GMDS: variants seen among roughly 807,000 people sequenced by gnomAD.
GMDS encodes the protein GDP-mannose 4,6 dehydratase.
GMDS carries 20 observed loss-of-function variants against 49.9 expected under a neutral mutation model. The observed-to-expected ratio is 0.40, with a 90% CI of 0.28 to 0.58. The LOEUF is 0.58. GMDS is among the 20% of genes least tolerant of loss of function. GMDS has a pLI of 0.42. For synonymous variants in GMDS, 177 were observed against 178.6 expected, an observed-to-expected ratio of 0.99 and a Z score of 0.07; for missense variants, 362 against 481.4, an observed-to-expected ratio of 0.75 and a Z score of 2.32.
intron 4 of GMDS, among the ~76,000 whole-genome samples, chr6:2,038,969 A>G (rs1442396884): frequency 3.9e-5 from 6 of 152,202 alleles, no homozygotes; most frequent in Non-Finnish European, 2.9e-5. Flanking sequence ...GCGGGGATAC[A>G]TTCTGAGAAA....
intron 4 of GMDS, among the ~76,000 whole-genome samples, chr6:2,003,184 T>A (rs1766940942): frequency 6.6e-6 from 1 of 152,118 alleles, no homozygotes. Context: ...TTAATCTAGA[T>A]ACAGAGAAAA....
intron 4 of GMDS, among the ~76,000 whole-genome samples, chr6:2,072,067 G>A (rs1431288980): frequency 2.6e-5 from 4 of 152,202 alleles, no homozygotes; most frequent in African/African-American, 9.7e-5. Flanking sequence ...GGGCGTGTGT[G>A]CATGTGTGTG....
chr6:2,111,716 G>A (rs1329449053), intron 4 of GMDS, among the ~76,000 whole-genome samples: 4 of 151,960 alleles, frequency 2.6e-5, no homozygotes, highest in African/African-American at 9.7e-5. Flanking sequence ...TTTTCAAAAG[G>A]ACACCAAACC....
At chr6:1,673,058 C>A (rs1022394466) in intron 9 of GMDS, among the ~76,000 whole-genome samples, 1 of 152,204 alleles carries the variant, frequency 6.6e-6, no homozygotes, top group Non-Finnish European at 1.5e-5. Context: ...CAGCTGGCAG[C>A]GGATCCAGCA....
At chr6:1,954,100 T>A (rs978380414) in intron 6 of GMDS, among the ~76,000 whole-genome samples, 1 of 152,184 alleles carries the variant, frequency 6.6e-6, no homozygotes, top group African/African-American at 2.4e-5. Flanking sequence ...AAGAATACTG[T>A]ATGTATGTAA....
chr6:1,861,867 G>C (rs978316800), intron 7 of GMDS, among the ~76,000 whole-genome samples: 12 of 152,142 alleles, frequency 7.9e-5, no homozygotes, highest in Non-Finnish European at 1.6e-4. Flanking sequence ...AAAGTGAGTA[G>C]ATAGCAAAGT....
chr6:2,144,576 G>GT (rs780701866), intron 1 of GMDS, among the ~76,000 whole-genome samples: 133 of 152,292 alleles, frequency 8.7e-4, no homozygotes, highest in Non-Finnish European at 1.5e-3. Flanking sequence ...TTCCTGAAGT[G>GT]TAAGGGCCAG....
At chr6:2,088,160 A>C (rs751309719) in intron 4 of GMDS, among the ~76,000 whole-genome samples, 20 of 152,202 alleles carry the variant, frequency 1.3e-4, no homozygotes, top group Admixed American at 5.9e-4. Flanking sequence ...CAAGAATGTT[A>C]TGGAAGAAAA....
intron 7 of GMDS, among the ~76,000 whole-genome samples, chr6:1,889,763 T>C (rs1759786418): frequency 6.6e-6 from 1 of 152,188 alleles, no homozygotes; most frequent in Admixed American, 6.5e-5. Context: ...CCATTAGCAG[T>C]CGTTCCCCAT....
At position 2,006,912 on chromosome 6, in the gene GMDS, T is replaced by C. The variant is rs558033465; in HGVS notation, c.346-45946A>G. ...AATTTGCCCTCAAATGCAGATGTGT[T>C]TTGAGCAATACGCTTAGTAAATGCT... On this transcript the variant is annotated intron_variant, in intron 4 of 10. Transcript: ENST00000380815. Among the ~76,000 whole-genome samples, 18 of 152,364 alleles carry C rather than the reference T, an allele frequency of 1.2e-4. No individual in the cohort carries two copies. The South Asian group carries it at 3.1e-3, about 26-fold the overall frequency.
At chr6:1,877,457 T>C (rs532581965) in intron 7 of GMDS, among the ~76,000 whole-genome samples, 20 of 151,822 alleles carry the variant, frequency 1.3e-4, no homozygotes, top group South Asian at 8.3e-4. Context: ...CTGGGCAACA[T>C]AGCAAGATCC....
intron 4 of GMDS, among the ~76,000 whole-genome samples, chr6:2,035,663 G>T (rs1769260676): frequency 6.6e-6 from 1 of 151,934 alleles, no homozygotes; most frequent in African/African-American, 2.4e-5. Context: ...CAGAGTAAAA[G>T]AGTAACTTAT....
intron 4 of GMDS, among the ~76,000 whole-genome samples, chr6:2,003,037 C>A (rs974847226): frequency 6.6e-6 from 1 of 152,074 alleles, no homozygotes; most frequent in African/African-American, 2.4e-5. Context: ...ATATAGAACA[C>A]TGGCTACCAC....
At chr6:1,987,079 T>C (rs1032289129) in intron 4 of GMDS, among the ~76,000 whole-genome samples, 1 of 152,178 alleles carries the variant, frequency 6.6e-6, no homozygotes, top group African/African-American at 2.4e-5. Flanking sequence ...CTCTGTGAGT[T>C]TGCTTACACA....
At chr6:2,145,183 A>G (rs935770146) in intron 1 of GMDS, among the ~76,000 whole-genome samples, 1 of 152,216 alleles carries the variant, frequency 6.6e-6, no homozygotes, top group African/African-American at 2.4e-5. Context: ...GTGTAAGCTC[A>G]CATATAACAG....
chr6:1,648,191 C>A (rs1763545189), intron 9 of GMDS, among the ~76,000 whole-genome samples: 1 of 152,130 alleles, frequency 6.6e-6, no homozygotes, highest in South Asian at 2.1e-4. Flanking sequence ...CTTATCATAT[C>A]CTCTCTCCTC....
intron 4 of GMDS, among the ~76,000 whole-genome samples, chr6:1,992,695 G>C (rs905003976): frequency 2.6e-5 from 4 of 152,086 alleles, no homozygotes; most frequent in Non-Finnish European, 5.9e-5. Flanking sequence ...TCTTCTAAAA[G>C]AATATATAAC....
At chr6:1,641,729 TCTC>T (rs1328062961) in intron 9 of GMDS, among the ~76,000 whole-genome samples, 1 of 151,894 alleles carries the variant, frequency 6.6e-6, no homozygotes, top group Non-Finnish European at 1.5e-5. Context: ...TCTCTCTCTC[TCTC>T]TTTTCTATCC....
In GMDS at chr6:1,682,816, G is replaced by A. The variant is rs1444646919; in HGVS notation, c.987+43600C>T. Reference sequence around the variant, plus strand: ...GATCTCCTGACCTCGTGATCCGCCCGCCTCGGCCTCCCAAAGTGCTGGGAT... The same window carrying A: ...GATCTCCTGACCTCGTGATCCGCCCACCTCGGCCTCCCAAAGTGCTGGGAT... On this transcript the variant is annotated intron_variant, in intron 9 of 10. Coordinates refer to ENST00000380815, the MANE Select transcript of GMDS (RefSeq NM_001500.4). Among the ~76,000 whole-genome samples the A allele has an allele frequency of 2.3e-3, 6 of 2,564 alleles. 3 individuals carry two copies. The highest frequency in any genetic ancestry group is 6.0e-3 in the African/African-American group (4 of 672). 1.7% of individuals were successfully genotyped at this position (2,564 alleles called of 152,430 possible).
Sources: gnomAD v4.1 joint callset for allele counts (sites outside exome capture counted in the v4.1 genomes callset) on GRCh38, gnomAD v4.1.1 for gene constraint, MANE v1.5 for transcripts, NCBI Gene and HGNC (gene_info 2026-07-23, HGNC 2026-07-21) for gene names.